Variants in TAF6L observed in about 807,000 individuals in gnomAD.
The protein encoded by TAF6L is TAF6-like RNA polymerase II p300/CBP-associated factor-associated factor 65 kDa subunit 6L.
Under a neutral mutation model 57.3 loss-of-function variants are expected in TAF6L, and 34 were observed. The observed-to-expected ratio is 0.59, with a 90% CI of 0.45 to 0.79. The LOEUF is 0.79. Ranked by LOEUF, TAF6L falls within the 30% of genes least tolerant of loss-of-function variation. TAF6L has a pLI of 0.00. For synonymous variants in TAF6L, 417 were observed against 376.3 expected, an observed-to-expected ratio of 1.11 and a Z score of -1.25; for missense variants, 782 against 853.2, an observed-to-expected ratio of 0.92 and a Z score of 1.04.
At chr11:62,771,605 A>G in intron 1 of TAF6L, 115 bp downstream of exon 1, 1 of 167,824 alleles carries the variant, frequency 6.0e-6, no homozygotes, top group Non-Finnish European at 1.3e-5. Context: ...CACGTGACCC[A>G]AGTTCAGTGA....
chr11:62,774,459 A>G, intron 1 of TAF6L: 1 of 398,602 alleles, frequency 2.5e-6, no homozygotes, highest in South Asian at 1.8e-5. Context: ...CATTGGATGT[A>G]GGGACCTGGA....
intron 4 of TAF6L, 65 bp from the exon 5 acceptor site, chr11:62,778,220 G>T: frequency 1.2e-6 from 2 of 1,613,696 alleles, no homozygotes; most frequent in Non-Finnish European, 8.5e-7. Flanking sequence ...GCAGAACTTG[G>T]AGGGGTAGGC....
intron 9 of TAF6L, among the ~76,000 whole-genome samples, chr11:62,784,846 A>G (rs1016164591): frequency 6.6e-6 from 1 of 152,186 alleles, no homozygotes; most frequent in South Asian, 2.1e-4. Flanking sequence ...GGGTCTGCTA[A>G]ATTTTAAAAG....
In TAF6L at chr11:62,778,131, G is replaced by A. The variant is rs1767777149; in HGVS notation, c.385+3G>A. 1.2e-6 allele frequency: 2 copies of A among 1,614,186 alleles called. No homozygotes were observed. The highest frequency in any genetic ancestry group is 1.7e-6 in the Non-Finnish European group (2 of 1,180,038). ...CTGTGCTGAGACAGCTGTCAGAGGT[G>A]GCTGCCGGGGTCCTGCATGGGTTGG... On this transcript the variant is annotated splice_donor_region_variant and intron_variant, in intron 4 of 10. Transcript: ENST00000294168.
In TAF6L at chr11:62,782,109, A is replaced by G. The variant is rs2084234345; in HGVS notation, c.607-4A>G. ...CCCTGTAAGCTACCCTCTTCTCCCAACAGGTGAAATCTGTAAGCCATGACC... is the reference window on the plus strand; with the variant it reads ...CCCTGTAAGCTACCCTCTTCTCCCAGCAGGTGAAATCTGTAAGCCATGACC... On this transcript the variant is annotated splice_region_variant and splice_polypyrimidine_tract_variant and intron_variant, in intron 7 of 10. Transcript: ENST00000294168. 7 of 1,600,992 alleles carry G rather than the reference A, an allele frequency of 4.4e-6. No individual in the cohort carries two copies. Among genetic ancestry groups the G allele is most frequent in the African/African-American group, 1.3e-5 (1 of 74,678 alleles).
intron 8 of TAF6L, 108 bp from the exon 9 acceptor site, chr11:62,782,585 A>C: frequency 6.7e-7 from 1 of 1,499,232 alleles, no homozygotes; most frequent in Non-Finnish European, 9.0e-7. Context: ...ACTTAACCCC[A>C]GCACTCCCGA....
intron 1 of TAF6L, among the ~76,000 whole-genome samples, chr11:62,773,140 C>G (rs1236385315): frequency 1.4e-5 from 2 of 144,854 alleles, no homozygotes; most frequent in African/African-American, 5.1e-5. Flanking sequence ...CATGCCTGGC[C>G]TATAATTACA....
intron 9 of TAF6L, 148 bp downstream of exon 9, chr11:62,782,973 G>C: frequency 4.9e-6 from 6 of 1,221,158 alleles, no homozygotes; most frequent in Non-Finnish European, 6.7e-6. Context: ...AGTGATACTT[G>C]ACTTTCTGAA....
chr11:62,772,746 C>T (rs920732239), intron 1 of TAF6L, among the ~76,000 whole-genome samples: 8 of 148,526 alleles, frequency 5.4e-5, no homozygotes, highest in Admixed American at 1.3e-4. Context: ...TTTAGTGAGC[C>T]GAGATCAAGC....
chr11:62,780,758 C>T (rs141429817), intron 6 of TAF6L, among the ~76,000 whole-genome samples: 1,614 of 136,810 alleles, frequency 0.012, 25 homozygotes, highest in Non-Finnish European at 0.019. Context: ...GGTGATTTCC[C>T]GTTGGATATC....
At position 62,786,840 on chromosome 11, in the gene TAF6L, C is replaced by G. The variant is rs1050954328; in HGVS notation, c.1413C>G (p.Asp471Glu). 6.2e-7 allele frequency: 1 copy of G among 1,600,178 alleles called. No homozygotes were observed. The highest frequency in any genetic ancestry group is 8.5e-7 in the Non-Finnish European group (1 of 1,178,222). ...PAPTAPRPPG[D>E]KKEPAAAPDS... is the part of the protein sequence containing the mutation. ...CCACGGCTCCGCGGCCGCCCGGGGA[C>G]AAGAAGGAGCCGGCGGCAGCCCCGG... The change falls in exon 11 of 11, where the codon GAC becomes GAG. Residue 471 changes from aspartate (D) to glutamate (E), a missense_variant. Coordinates refer to ENST00000294168, the MANE Select transcript of TAF6L (RefSeq NM_006473.4).
chr11:62,775,825 G>A lies in TAF6L; in HGVS notation c.42G>A (p.Arg14=). The change falls in exon 2 of 11, where the codon CGG becomes CGA. Residue 14 remains arginine (R), a synonymous_variant. Coordinates refer to ENST00000294168, the MANE Select transcript of TAF6L (RefSeq NM_006473.4). ...AGCGGCGGTTTGTGGAGATCCCTCG[G>A]GAGTCTGTCCGGCTCATGGCGGAGA... The part of the protein sequence containing the change: ...REERRFVEIP[R]ESVRLMAEST... 2 of 1,612,948 alleles carry A rather than the reference G, an allele frequency of 1.2e-6. No individual in the cohort carries two copies. The highest frequency in any genetic ancestry group is 1.7e-6 in the Non-Finnish European group (2 of 1,179,988).
Position 62,776,238 on chromosome 11 carries a change from A to G in TAF6L, c.148-146A>G, listed in dbSNP as rs927643197. 22 of 801,568 alleles carry G rather than the reference A, an allele frequency of 2.7e-5. No individual in the cohort carries two copies. The East Asian group carries it at 5.9e-4, about 22-fold the overall frequency. 49.7% of individuals were successfully genotyped at this position (801,568 alleles called of 1,614,324 possible). ...TGTGACACCCGGGGGGTGTTTTTGT[A>G]CAGGAGCAGAGACGGAATCTAGGCT... On this transcript the variant is annotated intron_variant, in intron 2 of 10. Coordinates refer to ENST00000294168, the MANE Select transcript of TAF6L (RefSeq NM_006473.4).
intron 3 of TAF6L, among the ~76,000 whole-genome samples, chr11:62,776,984 T>A (rs942972757): frequency 2.2e-4 from 34 of 151,760 alleles, no homozygotes; most frequent in Non-Finnish European, 2.4e-4. Flanking sequence ...TCGTTTCTAC[T>A]AAAAATACAA....
rs768298375 is a variant in TAF6L at position 62,778,061 on chromosome 11, G to C, written c.318G>C (p.Glu106Asp). 2.5e-6 allele frequency: 4 copies of C among 1,614,204 alleles called. No individual in the cohort carries two copies. In the South Asian group the frequency reaches 4.4e-5, roughly 18 times the overall value. Residue 106 changes from glutamate (E) to aspartate (D), a missense_variant, in exon 4 of 11, where the codon GAG becomes GAC. Physicochemically the swap from Glu to Asp is conservative, Grantham distance 45. Around this residue, in one of 3 missense-constraint regions of TAF6L, gnomAD observed 220 missense variants for 252.1 expected, o/e 0.87. Coordinates refer to ENST00000294168, the MANE Select transcript of TAF6L (RefSeq NM_006473.4). ...EGELYFPEDREVNLVELALAT... is the reference protein window; with the variant it reads ...EGELYFPEDRDVNLVELALAT... ...AACTCTACTTTCCTGAGGATCGAGA[G>C]GTGAACCTGGTGGAGCTGGCCCTGG... is the stretch of plus-strand genomic sequence containing the variant.
At chr11:62,781,690 A>T in intron 6 of TAF6L, 5 of 480,860 alleles carry the variant, frequency 1.0e-5, no homozygotes, top group East Asian at 4.1e-5. Context: ...TTGGACATTC[A>T]GGTTGTATTC....
chr11:62,781,412 G>T (rs753805212), intron 6 of TAF6L, among the ~76,000 whole-genome samples: 1 of 151,978 alleles, frequency 6.6e-6, no homozygotes, highest in South Asian at 2.1e-4. Flanking sequence ...GGTGGCTCAC[G>T]CCTGTAATCC....
At chr11:62,773,751 A>G (rs557828991) in intron 1 of TAF6L, among the ~76,000 whole-genome samples, 21 of 152,260 alleles carry the variant, frequency 1.4e-4, no homozygotes, top group African/African-American at 4.6e-4. Context: ...TCCAGCTACA[A>G]ATTCTTACGA....
chr11:62,782,494 T>C (rs1298540745), intron 8 of TAF6L, 161 bp downstream of exon 8: 5 of 1,042,962 alleles, frequency 4.8e-6, no homozygotes, highest in Non-Finnish European at 5.5e-6. Context: ...ACTGGGATTC[T>C]GAAAATGGAT....
Sources: gnomAD v4.1 joint callset for allele counts (sites outside exome capture counted in the v4.1 genomes callset) on GRCh38, gnomAD v4.1.1 for gene constraint, gnomAD v4.1.1 regional missense constraint, MANE v1.5 for transcripts, NCBI Gene and HGNC (gene_info 2026-07-23, HGNC 2026-07-21) for gene names.